Variants in HGFAC observed in about 807,000 individuals in gnomAD.
HGFAC encodes the protein hepatocyte growth factor activator serine protease.
HGFAC carries 76 observed loss-of-function variants against 70.6 expected under a neutral mutation model. That is an observed-to-expected ratio of 1.08 (90% CI 0.89 to 1.30). The LOEUF (loss-of-function observed/expected upper bound fraction) is 1.30. Ranked by LOEUF, HGFAC falls within the 50% of genes most tolerant of loss-of-function variation. The probability of loss-of-function intolerance (pLI) is 0.00; values close to 1 mark genes in which losing one functional copy is unlikely to be tolerated. For synonymous variants in HGFAC, 464 were observed against 405.3 expected, an observed-to-expected ratio of 1.14 and a Z score of -1.74; for missense variants, 1,044 against 933.7, an observed-to-expected ratio of 1.12 and a Z score of -1.54.
At chr4:3,448,719 C>T (rs74613771) in intron 13 of HGFAC, among the ~76,000 whole-genome samples, 2,140 of 152,324 alleles carry the variant, frequency 0.014, 36 homozygotes, top group Non-Finnish European at 0.021. Context: ...TCAGGCGGCA[C>T]GGCAACCCTG....
rs749627127 is a variant in HGFAC, at chr4:3,447,544, A to G, written c.1408A>G (p.Thr470Ala). The G allele has an allele frequency of 1.2e-6, 2 of 1,612,674 alleles. No homozygotes were observed. The highest frequency in any genetic ancestry group is 8.5e-7 in the Non-Finnish European group (1 of 1,179,918). ...GCTGGGCCAGCACTTCTTCAACCGC[A>G]CGACGGACGTGACGCAGACCTTCGG... is the stretch of plus-strand genomic sequence containing the variant. Reference protein sequence around the residue: ...VVLGQHFFNRTTDVTQTFGIE... With the variant: ...VVLGQHFFNRATDVTQTFGIE... The change falls in exon 11 of 14, where the codon ACG becomes GCG. Residue 470 changes from threonine (T) to alanine (A), a missense_variant. Thr to Ala is a moderately conservative substitution (Grantham distance 58, BLOSUM62 0). Transcript: ENST00000382774.
chr4:3,442,609 TG>T, intron 1 of HGFAC, 122 bp from the exon 2 acceptor site: 1 of 624,028 alleles, frequency 1.6e-6, no homozygotes, highest in Non-Finnish European at 2.6e-6. Flanking sequence ...TGTGTCCTCC[TG>T]GAACCTGCTC....
chr4:3,447,434 G>A (rs1046007883), intron 10 of HGFAC, 58 bp from the exon 11 acceptor site: 10 of 1,598,386 alleles, frequency 6.3e-6, no homozygotes, highest in South Asian at 1.1e-5. Context: ...GTGGGGAGAG[G>A]TGAGCCCGGT....
rs201004296 is a variant in HGFAC at position 3,448,264 on chromosome 4, C to T, written c.1773C>T (p.Ser591=). ...MLCAGYFDCK[S]DACQGDSGGP... ...GTGCCGGCTACTTCGACTGCAAGTC[C>T]GACGCCTGCCAGGTGAGCTGGTGCC... The change falls in exon 13 of 14, where the codon TCC becomes TCT. Residue 591 remains serine, a synonymous_variant. Transcript: ENST00000382774. 7.7e-5 allele frequency: 123 copies of T among 1,605,564 alleles called. No individual in the cohort carries two copies. The East Asian group carries it at 1.7e-3, about 23-fold the overall frequency.
intron 11 of HGFAC, 68 bp downstream of exon 11, chr4:3,447,699 A>C: frequency 1.2e-5 from 19 of 1,595,076 alleles, no homozygotes; most frequent in Non-Finnish European, 1.6e-5. Flanking sequence ...CCAGGCCCAG[A>C]CAGGGGCAGG....
Position 3,444,799 on chromosome 4 carries a change from C to G in HGFAC, c.842-20C>G. The G allele has an allele frequency of 6.3e-7, 1 of 1,584,442 alleles. No homozygotes were observed. Among genetic ancestry groups the G allele is most frequent in the Non-Finnish European group, 8.6e-7 (1 of 1,164,878 alleles). ...GGGTGGACCCACCGTGGGCCGGCCT[C>G]ACTGCCCCTCTGCCCGCAGAGCCTG... On this transcript the variant is annotated intron_variant, in intron 7 of 13. Transcript: ENST00000382774.
In HGFAC at chr4:3,442,801, G is replaced by A. The variant is rs141556865; in HGVS notation, c.187G>A (p.Val63Met). 1.8e-4 allele frequency: 282 copies of A among 1,586,702 alleles called. No homozygotes were observed. The highest frequency in any genetic ancestry group is 2.2e-5 in the East Asian group (1 of 44,502). ...PAIPTILVTS[V>M]TSETPATSAP... Reference sequence around the variant, plus strand: ...GATCCCCACTATCCTGGTGACCTCTGTGACCTCTGAGACCCCAGCAACAAG... The same window carrying A: ...GATCCCCACTATCCTGGTGACCTCTATGACCTCTGAGACCCCAGCAACAAG... Residue 63 changes from valine (V) to methionine (M), a missense_variant, in exon 2 of 14, where the codon GTG becomes ATG. Transcript: ENST00000382774.
Position 3,445,063 on chromosome 4 carries a change from G to A in HGFAC, c.1016+70G>A, listed in dbSNP as rs890030978. 11 of 1,449,578 alleles carry A rather than the reference G, an allele frequency of 7.6e-6. No homozygotes were observed. In the East Asian group the frequency reaches 2.0e-4, roughly 26 times the overall value. 89.8% of individuals were successfully genotyped at this position (1,449,578 alleles called of 1,614,324 possible). A position where few individuals can be genotyped will look rare whatever the true frequency, so the allele number is the denominator to read the frequency against. Reference sequence around the variant, plus strand: ...GATTTGTCCTGGGGAGAGGCCCCCCGGCTCCCTAGGACCCAGGCGGGGCCA... The same window carrying A: ...GATTTGTCCTGGGGAGAGGCCCCCCAGCTCCCTAGGACCCAGGCGGGGCCA... On this transcript the variant is annotated intron_variant, in intron 8 of 13. Transcript: ENST00000382774.
At chr4:3,447,871 G>T in intron 11 of HGFAC, 24 bp from the exon 12 acceptor site, 1 of 1,605,260 alleles carries the variant, frequency 6.2e-7, no homozygotes, top group South Asian at 1.1e-5. Flanking sequence ...ACCACAGGCT[G>T]ACCCTGGCCA....
upstream of HGFAC, among the ~76,000 whole-genome samples, chr4:3,441,054 G>A (rs1725290630): frequency 6.6e-6 from 1 of 152,058 alleles, no homozygotes; most frequent in Admixed American, 6.5e-5. The surrounding 1 kb of genome is among the most constrained non-coding windows in gnomAD (Gnocchi z 6.0). Flanking sequence ...CTGGGATGTC[G>A]CTGCTGACTC....
chr4:3,443,442 C>T lies in HGFAC; in HGVS notation c.475+22C>T, dbSNP rs185091855. ...CCAGGTGGGTGCTGGGTTGGGTAGC[C>T]TGGGGCGGGCAGGGGGCACTGGGCC... On this transcript the variant is annotated intron_variant, in intron 4 of 13. Coordinates refer to ENST00000382774, the MANE Select transcript of HGFAC (RefSeq NM_001528.4). 445 of 1,412,526 alleles carry T rather than the reference C, an allele frequency of 3.2e-4. 1 individual carries two copies. In the African/African-American group the frequency reaches 5.6e-3, roughly 18 times the overall value. The allele number at this position is 1,412,526 out of a possible 1,614,324, so 87.5% of individuals were successfully genotyped here.
chr4:3,443,883 C>G (rs6853599), intron 4 of HGFAC, among the ~76,000 whole-genome samples, 156 bp from the exon 5 acceptor site: 1 of 151,960 alleles, frequency 6.6e-6, no homozygotes, highest in African/African-American at 2.4e-5. Flanking sequence ...CTGTGCCCCT[C>G]CCAGGGACCT....
At chr4:3,443,502 C>A in intron 4 of HGFAC, 82 bp downstream of exon 4, 1 of 875,114 alleles carries the variant, frequency 1.1e-6, no homozygotes, top group Non-Finnish European at 1.6e-6. Context: ...TGGGGCGGAC[C>A]CGGGCAGGGG....
At chr4:3,446,008 C>T (rs1391987543) in intron 9 of HGFAC, 34 bp from the exon 10 acceptor site, 2 of 1,604,388 alleles carry the variant, frequency 1.2e-6, no homozygotes, top group Non-Finnish European at 1.7e-6. Flanking sequence ...CCCTGTGAAC[C>T]CCAGGGGTGT....
Position 3,444,308 on chromosome 4 carries a change from C to CA in HGFAC, c.599-2dup, listed in dbSNP as rs763028128. 6 of 1,586,346 alleles carry CA rather than the reference C, an allele frequency of 3.8e-6. No individual in the cohort carries two copies. The highest frequency in any genetic ancestry group is 5.1e-6 in the Non-Finnish European group (6 of 1,167,362). ...GTGTGAGGGCTTACTGTGCACCCCTCAGAGAAATGCTTTGATGAGACCCGC... is the reference window on the plus strand; with the variant it reads ...GTGTGAGGGCTTACTGTGCACCCCTCAAGAGAAATGCTTTGATGAGACCCGC... On this transcript the variant is annotated splice_polypyrimidine_tract_variant and splice_region_variant and intron_variant, in intron 5 of 13. Transcript: ENST00000382774.
intron 9 of HGFAC, 107 bp from the exon 10 acceptor site, chr4:3,445,935 G>T (rs1420399609): frequency 1.5e-5 from 23 of 1,556,342 alleles, no homozygotes; most frequent in African/African-American, 2.7e-5. Context: ...TGGACAGGGG[G>T]TCCGGCCATG....
At position 3,444,330 on chromosome 4, in the gene HGFAC, C is replaced by A. The variant is rs35018889; in HGVS notation, c.618C>A (p.Thr206=). 33,585 of 1,594,288 alleles carry A rather than the reference C, an allele frequency of 0.021. 507 individuals are homozygous for A. Among genetic ancestry groups the A allele is most frequent in the Non-Finnish European group, 0.025 (29,126 of 1,171,518 alleles). Residue 206 remains threonine, a synonymous_variant, in exon 6 of 14, where the codon ACC becomes ACA. Coordinates refer to ENST00000382774, the MANE Select transcript of HGFAC (RefSeq NM_001528.4). The part of the protein sequence containing the change: ...DCGTEKCFDE[T]RYEYLEGGDR... ...CCTCAGAGAAATGCTTTGATGAGAC[C>A]CGCTACGAGTACCTGGAGGGGGGCG...
intron 13 of HGFAC, among the ~76,000 whole-genome samples, 154 bp from the exon 14 acceptor site, chr4:3,449,083 G>A (rs1428209502): frequency 6.6e-6 from 1 of 152,148 alleles, no homozygotes; most frequent in African/African-American, 2.4e-5. Flanking sequence ...TGCCCCCAGG[G>A]AATGAGACAC....
chr4:3,445,100 A>G lies in HGFAC; in HGVS notation c.1016+107A>G, dbSNP rs111607130. 105 of 1,358,752 alleles carry G rather than the reference A, an allele frequency of 7.7e-5. No homozygotes were observed. The African/African-American group carries it at 1.2e-3, about 16-fold the overall frequency. 84.2% of individuals were successfully genotyped at this position (1,358,752 alleles called of 1,614,324 possible). A position where few individuals can be genotyped will look rare whatever the true frequency, so the allele number is the denominator to read the frequency against. On this transcript the variant is annotated intron_variant, in intron 8 of 13. Coordinates refer to ENST00000382774, the MANE Select transcript of HGFAC (RefSeq NM_001528.4). ...CCCAGGCGGGGCCAGCTCCGTCCAG[A>G]CAGGCCCCGGAACCTCTGCCTGGGA...
Sources: allele counts gnomAD v4.1 joint callset (sites outside exome capture counted in the v4.1 genomes callset), GRCh38; gene constraint gnomAD v4.1.1; non-coding constraint Gnocchi (gnomAD v3.1); transcripts MANE v1.5; gene names NCBI Gene and HGNC (gene_info 2026-07-23, HGNC 2026-07-21).